Variants in SLC12A8 observed in about 807,000 individuals in gnomAD.
SLC12A8 encodes solute carrier family 12 member 8.
SLC12A8 carries 69 observed loss-of-function variants against 75.6 expected under a neutral mutation model. The ratio of observed to expected loss-of-function variants is 0.91; its 90% CI spans 0.75 to 1.11. The LOEUF is 1.11. SLC12A8 is among the 50% of genes most tolerant of loss of function. SLC12A8 has a pLI of 0.00. For synonymous variants in SLC12A8, 365 were observed against 372.8 expected (o/e 0.98, Z 0.24); for missense variants, 877 against 896.7 (o/e 0.98, Z 0.28).
At chr3:125,120,841 C>T (rs562694426) in intron 6 of SLC12A8, 155 bp from the exon 7 acceptor site, 13 of 713,026 alleles carry the variant, frequency 1.8e-5, no homozygotes, top group Non-Finnish European at 3.1e-5. Context: ...GCTTTTCAAT[C>T]TCCCCTGGCA....
chr3:125,146,807 G>A (rs547902), intron 5 of SLC12A8, among the ~76,000 whole-genome samples: 65,656 of 152,078 alleles, frequency 0.43, 15,055 homozygotes, highest in East Asian at 0.6. Flanking sequence ...GCCCAGCTAA[G>A]TTTGTACATT....
At position 125,120,655 on chromosome 3, in the gene SLC12A8, G is replaced by T; in HGVS notation, c.768C>A (p.Asp256Glu). 6.2e-7 allele frequency: 1 copy of T among 1,613,686 alleles called. No homozygotes were observed. The highest frequency in any genetic ancestry group is 8.5e-7 in the Non-Finnish European group (1 of 1,179,952). The change falls in exon 7 of 14, where the codon GAC becomes GAA. Residue 256 changes from aspartate to glutamate, a missense_variant. Asp to Glu is a conservative substitution (Grantham distance 45). Coordinates refer to ENST00000469902, the MANE Select transcript of SLC12A8 (RefSeq NM_024628.6). ...GVMAGFNMGG[D>E]LREPAASIPL... is the part of the protein sequence containing the mutation. ...GAATGCTGGCGGCAGGCTCCCTGAG[G>T]TCGCCCCCCATGTTGAAGCCGGCCA...
chr3:125,101,626 G>A (rs13325275), intron 10 of SLC12A8, among the ~76,000 whole-genome samples: 23,137 of 152,052 alleles, frequency 0.15, 2,321 homozygotes, highest in African/African-American at 0.28. Context: ...TGATGTCTAC[G>A]TAGTTAAAAA....
intron 5 of SLC12A8, among the ~76,000 whole-genome samples, chr3:125,149,009 G>T (rs906912209): frequency 6.6e-6 from 1 of 152,186 alleles, no homozygotes; most frequent in East Asian, 1.9e-4. Context: ...ACCCCTCAGC[G>T]GTCACCCATC....
chr3:125,090,532 G>C (rs143878697), intron 12 of SLC12A8, among the ~76,000 whole-genome samples: 2,360 of 152,210 alleles, frequency 0.016, 52 homozygotes, highest in African/African-American at 0.053. Flanking sequence ...CTCTGACTAT[G>C]GTTGTGAACT....
At chr3:125,184,293 T>G (rs1017723274) in intron 4 of SLC12A8, among the ~76,000 whole-genome samples, 1 of 152,162 alleles carries the variant, frequency 6.6e-6, no homozygotes, top group African/African-American at 2.4e-5. Flanking sequence ...AAATCATTAC[T>G]TTAAGTGTTA....
intron 6 of SLC12A8, among the ~76,000 whole-genome samples, chr3:125,131,975 A>G (rs562540584): frequency 6.6e-6 from 1 of 152,264 alleles, no homozygotes; most frequent in South Asian, 2.1e-4. Flanking sequence ...CATAGACCCT[A>G]AGCATAGGGT....
At chr3:125,123,834 C>T (rs1222527787) in intron 6 of SLC12A8, among the ~76,000 whole-genome samples, 28 of 152,266 alleles carry the variant, frequency 1.8e-4, no homozygotes, top group Non-Finnish European at 7.3e-5. Flanking sequence ...CTTTATTCCT[C>T]GCCATTGTTG....
At position 125,177,856 on chromosome 3, in the gene SLC12A8, C is replaced by T. The variant is rs1934571841; in HGVS notation, c.509G>A (p.Gly170Asp). ...CCATTTGACACCTGCGAGGTTAATG[C>T]CCAGCAAGGCCAGAAGCACCGCAAC... is the stretch of plus-strand genomic sequence containing the variant. ...ISVAVLLALL[G>D]INLAGVKWII... Residue 170 changes from glycine (G) to aspartate (D), a missense_variant, in exon 5 of 14, where the codon GGC becomes GAC. Physicochemically the swap from Gly to Asp is moderately conservative, Grantham distance 94. Transcript: ENST00000469902. 1 of 1,614,160 alleles carries T rather than the reference C, an allele frequency of 6.2e-7. No individual in the cohort carries two copies. Among genetic ancestry groups the T allele is most frequent in the Non-Finnish European group, 8.5e-7 (1 of 1,180,016 alleles).
chr3:125,127,593 C>T (rs1326649933), intron 6 of SLC12A8, among the ~76,000 whole-genome samples: 1 of 152,146 alleles, frequency 6.6e-6, no homozygotes, highest in Non-Finnish European at 1.5e-5. Context: ...AGGAACAAGG[C>T]TTTGGAAGGA....
rs1004575175 is a variant in SLC12A8 at position 125,088,295 on chromosome 3, C to T, written c.1982+15G>A. The T allele has an allele frequency of 1.2e-6, 2 of 1,613,914 alleles. No homozygotes were observed. The highest frequency in any genetic ancestry group is 1.6e-4 in the Middle Eastern group (1 of 6,062). On this transcript the variant is annotated intron_variant, in intron 13 of 13. Coordinates refer to ENST00000469902, the MANE Select transcript of SLC12A8 (RefSeq NM_024628.6). ...CACTCATCCATTCTGGTACTGGCTCCAAATTGGCACAGACCTGCAGGAGGG... is the reference window on the plus strand; with the variant it reads ...CACTCATCCATTCTGGTACTGGCTCTAAATTGGCACAGACCTGCAGGAGGG...
intron 5 of SLC12A8, among the ~76,000 whole-genome samples, chr3:125,144,067 T>G (rs1933713961): frequency 6.6e-6 from 1 of 152,098 alleles, no homozygotes; most frequent in East Asian, 1.9e-4. Context: ...TGAGATGAGA[T>G]TTTTGCCTAG....
chr3:125,091,434 C>T lies in SLC12A8; in HGVS notation c.1921+5G>A. The T allele has an allele frequency of 6.2e-7, 1 of 1,607,266 alleles. No homozygotes were observed. The highest frequency in any genetic ancestry group is 1.1e-5 in the South Asian group (1 of 90,904). Reference sequence around the variant, plus strand: ...AACCAGTGGCAAAATGGCTCTGCTGCTTACCAAGGTGAAGCCCTGGACTGG... The same window carrying T: ...AACCAGTGGCAAAATGGCTCTGCTGTTTACCAAGGTGAAGCCCTGGACTGG... On this transcript the variant is annotated splice_donor_5th_base_variant and intron_variant, in intron 12 of 13. Coordinates refer to ENST00000469902, the MANE Select transcript of SLC12A8 (RefSeq NM_024628.6).
At chr3:125,131,449 C>T (rs1168296273) in intron 6 of SLC12A8, among the ~76,000 whole-genome samples, 3 of 152,064 alleles carry the variant, frequency 2.0e-5, no homozygotes, top group South Asian at 2.1e-4. Flanking sequence ...TGCAGTGGCA[C>T]GATTTCAGCG....
chr3:125,095,296 A>G (rs1938686604), intron 10 of SLC12A8, among the ~76,000 whole-genome samples: 1 of 152,246 alleles, frequency 6.6e-6, no homozygotes, highest in African/African-American at 2.4e-5. Context: ...CTTCATTTGA[A>G]TAAATAACAC....
intron 2 of SLC12A8, among the ~76,000 whole-genome samples, chr3:125,211,041 G>A (rs1356828430): frequency 2.6e-5 from 4 of 152,168 alleles, no homozygotes; most frequent in African/African-American, 9.7e-5. Context: ...GACCTCTCAG[G>A]ATGGAGTTTG....
chr3:125,120,537 T>C (rs1245488452), intron 7 of SLC12A8, 62 bp downstream of exon 7: 8 of 1,236,408 alleles, frequency 6.5e-6, no homozygotes, highest in Admixed American at 1.8e-5. Context: ...GCAATCCCTC[T>C]TCTGCCTGGG....
intron 2 of SLC12A8, among the ~76,000 whole-genome samples, chr3:125,198,879 G>A (rs999182588): frequency 2.7e-5 from 4 of 150,884 alleles, no homozygotes; most frequent in Non-Finnish European, 4.4e-5. Context: ...TCGAGTTCAT[G>A]CCATTCCCCT....
chr3:125,096,693 AG>A (rs1938719428), intron 10 of SLC12A8, among the ~76,000 whole-genome samples: 1 of 152,226 alleles, frequency 6.6e-6, no homozygotes, highest in African/African-American at 2.4e-5. Flanking sequence ...GCTCAGTAAA[AG>A]TCTCCTTAAT....
Sources: allele counts gnomAD v4.1 joint callset (sites outside exome capture counted in the v4.1 genomes callset), GRCh38; gene constraint gnomAD v4.1.1; transcripts MANE v1.5; gene names NCBI Gene and HGNC (gene_info 2026-07-23, HGNC 2026-07-21).